CDHR4: variants seen among roughly 807,000 people sequenced by gnomAD.
The protein encoded by CDHR4 is cadherin-related family member 4.
CDHR4 carries 89 observed loss-of-function variants against 88.4 expected under a neutral mutation model. That is an observed-to-expected ratio of 1.01 (90% CI 0.85 to 1.20). The LOEUF (loss-of-function observed/expected upper bound fraction) is 1.20, where lower values mean the gene tolerates loss of function less well. CDHR4 is among the 50% of genes most tolerant of loss of function. The pLI, the probability that CDHR4 is intolerant of heterozygous loss-of-function variation, is 0.00. For missense variants in CDHR4, 914 were observed against 1,007.2 expected (o/e 0.91, Z 1.25); for synonymous variants, 368 against 399.2 (o/e 0.92, Z 0.93).
chr3:49,794,088 G>A (rs1339322394), intron 10 of CDHR4, 82 bp from the exon 11 acceptor site: 1 of 1,368,062 alleles, frequency 7.3e-7, no homozygotes, highest in African/African-American at 1.4e-5. Context: ...ACAGGGCCCT[G>A]CCCTGGGGGT....
In CDHR4 at chr3:49,791,439, A is replaced by C. The variant is rs1174745486; in HGVS notation, c.2311+2T>G. The C allele has an allele frequency of 1.1e-5, 17 of 1,544,584 alleles. No individual in the cohort carries two copies. Among genetic ancestry groups the C allele is most frequent in the Non-Finnish European group, 1.5e-5 (17 of 1,144,972 alleles). ...GAATAGCTTAGGAAGAGGGGGACTCACGGGAGTCCTGTGCTCTGCCATCAA... is the reference window on the plus strand; with the variant it reads ...GAATAGCTTAGGAAGAGGGGGACTCCCGGGAGTCCTGTGCTCTGCCATCAA... On this transcript the variant is annotated splice_donor_variant, in intron 18 of 18. Coordinates refer to ENST00000412678, the MANE Select transcript of CDHR4 (RefSeq NM_001007540.4). LOFTEE classifies it high-confidence loss of function.
At chr3:49,796,394 TGGTATGATCTTGGCTCACTGCAA>T (rs1346880483) in intron 5 of CDHR4, among the ~76,000 whole-genome samples, 1 of 151,756 alleles carries the variant, frequency 6.6e-6, no homozygotes, top group Non-Finnish European at 1.5e-5. Flanking sequence ...TGGAGCACAG[TGGTATGATCTTGGCTCACTGCAA>T]CCTCCACCCC....
chr3:49,790,763 C>G lies in CDHR4; in HGVS notation c.*69G>C. The G allele has an allele frequency of 7.5e-7, 1 of 1,336,266 alleles. No homozygotes were observed. The highest frequency in any genetic ancestry group is 1.4e-5 in the South Asian group (1 of 73,322). The allele number at this position is 1,336,266 out of a possible 1,614,324, so 82.8% of individuals were successfully genotyped here. ...TTTTGTAATTTTGTTTATTATGAAT[C>G]AACTTGAAAATACAGCCCATGATGG... On this transcript the variant is annotated 3_prime_UTR_variant, in exon 19 of 19. Coordinates refer to ENST00000412678, the MANE Select transcript of CDHR4 (RefSeq NM_001007540.4).
intron 16 of CDHR4, 28 bp from the exon 17 acceptor site, chr3:49,791,829 G>T: frequency 6.4e-7 from 1 of 1,551,648 alleles, no homozygotes. Context: ...CAAGAGTACA[G>T]GGCAAGGCTC....
rs2081263926 is a variant in CDHR4, at chr3:49,795,862, C to G, written c.710+81G>C. On this transcript the variant is annotated intron_variant, in intron 6 of 18. Coordinates refer to ENST00000412678, the MANE Select transcript of CDHR4 (RefSeq NM_001007540.4). The surrounding 1 kb of genome is among the most constrained non-coding windows in gnomAD (Gnocchi z 5.4). Reference sequence around the variant, plus strand: ...GCCCCCTCCTGTCAGGGCTGGGACTCAGCTCCAGCAGCCTCACCCTACCTG... The same window carrying G: ...GCCCCCTCCTGTCAGGGCTGGGACTGAGCTCCAGCAGCCTCACCCTACCTG... 3 of 1,518,802 alleles carry G rather than the reference C, an allele frequency of 2.0e-6. No homozygotes were observed. Among genetic ancestry groups the G allele is most frequent in the Non-Finnish European group, 2.7e-6 (3 of 1,127,436 alleles). The allele number at this position is 1,518,802 out of a possible 1,614,324, so 94.1% of individuals were successfully genotyped here. A position where few individuals can be genotyped will look rare whatever the true frequency, so the allele number is the denominator to read the frequency against.
chr3:49,801,591 T>C (rs2081362309), upstream of CDHR4, among the ~76,000 whole-genome samples: 1 of 152,226 alleles, frequency 6.6e-6, no homozygotes, highest in Non-Finnish European at 1.5e-5. Flanking sequence ...CCATAAATGA[T>C]CATTGGATTT....
Position 49,792,585 on chromosome 3 carries a change from A to G in CDHR4, c.2021T>C (p.Leu674Pro), listed in dbSNP as rs1461253758. 1.7e-5 allele frequency: 26 copies of G among 1,551,666 alleles called. No individual in the cohort carries two copies. Among genetic ancestry groups the G allele is most frequent in the Non-Finnish European group, 2.2e-5 (25 of 1,146,978 alleles). Residue 674 changes from leucine (L) to proline (P), a missense_variant, in exon 15 of 19, where the codon CTC becomes CCC. Transcript: ENST00000412678. Reference sequence around the variant, plus strand: ...CCAGAAAGCCTCTGTGTCTGTCACGAGCATGGGTGTCATCGTTGAGGGCAC... The same window carrying G: ...CCAGAAAGCCTCTGTGTCTGTCACGGGCATGGGTGTCATCGTTGAGGGCAC... The part of the protein sequence containing the change: ...TTVPSTMTPM[L>P]VTDTEAFWQP...
chr3:49,794,788 C>T lies in CDHR4; in HGVS notation c.1186-87G>A, dbSNP rs553745987. The T allele has an allele frequency of 1.2e-5, 17 of 1,427,978 alleles. No homozygotes were observed. The African/African-American group carries it at 2.4e-4, about 20-fold the overall frequency. The allele number at this position is 1,427,978 out of a possible 1,614,324, so 88.5% of individuals were successfully genotyped here. A position where few individuals can be genotyped will look rare whatever the true frequency, so the allele number is the denominator to read the frequency against. On this transcript the variant is annotated intron_variant, in intron 9 of 18. Coordinates refer to ENST00000412678, the MANE Select transcript of CDHR4 (RefSeq NM_001007540.4). ...GGGCTGCTGTAGGCCAGGGCATCCA[C>T]AAATATCTTGCCTGGATCCTGTTTT...
chr3:49,796,184 C>CTG, intron 5 of CDHR4, 138 bp from the exon 6 acceptor site: 2 of 593,646 alleles, frequency 3.4e-6, no homozygotes, highest in Admixed American at 3.4e-5. Flanking sequence ...CCCCATGATC[C>CTG]CCATGACCTG....
At position 49,799,282 on chromosome 3, in the gene CDHR4, T is replaced by C; in HGVS notation, c.205A>G (p.Ser69Gly). Residue 69 changes from serine (S) to glycine (G), a missense_variant, in exon 2 of 19, where the codon AGC becomes GGC. Transcript: ENST00000412678. ...TAGGTCCCTTGCCACCTGGCCAAGCTGGGTGGGTTGAAGAAGGTGGTGGGT... is the reference window on the plus strand; with the variant it reads ...TAGGTCCCTTGCCACCTGGCCAAGCCGGGTGGGTTGAAGAAGGTGGTGGGT... ...QPPTTFFNPP[S>G]LARWQGTYVG... 2 of 1,613,798 alleles carry C rather than the reference T, an allele frequency of 1.2e-6. No homozygotes were observed. Among genetic ancestry groups the C allele is most frequent in the Non-Finnish European group, 1.7e-6 (2 of 1,179,780 alleles).
chr3:49,802,077 G>A (rs1486754850), upstream of CDHR4, among the ~76,000 whole-genome samples: 3 of 152,144 alleles, frequency 2.0e-5, no homozygotes, highest in Admixed American at 2.0e-4. Context: ...GCTCCTGTCC[G>A]TCGGGGTCTC....
At chr3:49,798,653 G>T in intron 4 of CDHR4, 173 bp downstream of exon 4, 1 of 619,796 alleles carries the variant, frequency 1.6e-6, no homozygotes, top group Non-Finnish European at 2.8e-6. Context: ...TGGTCACTGG[G>T]GAGTGAGCAG....
intron 16 of CDHR4, 45 bp from the exon 17 acceptor site, chr3:49,791,846 C>T: frequency 6.4e-7 from 1 of 1,551,500 alleles, no homozygotes; most frequent in Non-Finnish European, 8.7e-7. Context: ...GCTCTGGGCC[C>T]TAACCTGAGT....
rs770441724 is a variant in CDHR4 at position 49,795,767 on chromosome 3, G to A, written c.711-3C>T. 26 of 1,551,542 alleles carry A rather than the reference G, an allele frequency of 1.7e-5. No individual in the cohort carries two copies. In the South Asian group the frequency reaches 3.0e-4, roughly 18 times the overall value. ...TGGTGATATTCTGAGCCTGCTCGCTGGACCAAAAGGGGGGCACTGGTTCCT... is the reference window on the plus strand; with the variant it reads ...TGGTGATATTCTGAGCCTGCTCGCTAGACCAAAAGGGGGGCACTGGTTCCT... On this transcript the variant is annotated splice_polypyrimidine_tract_variant and splice_region_variant and intron_variant, in intron 6 of 18. Transcript: ENST00000412678. This position sits in a 1 kb window ranked among gnomAD's most constrained non-coding sequence, Gnocchi z 5.4.
At chr3:49,794,071 G>C (rs1414860552) in intron 10 of CDHR4, 65 bp from the exon 11 acceptor site, 3 of 1,478,876 alleles carry the variant, frequency 2.0e-6, no homozygotes, top group Non-Finnish European at 2.8e-6. Flanking sequence ...GGGGTCTGAG[G>C]AGGGAGACAG....
chr3:49,793,846 G>A lies in CDHR4; in HGVS notation c.1440C>T (p.Tyr480=), dbSNP rs960446758. ...MDYPHDNIEY[Y]TSGGPTTFAV... ...CAAAGGTGGTAGGACCACCAGAGGT[G>A]TAGTACTCAATGTTGTCATGAGGGT... The change falls in exon 11 of 19, where the codon TAC becomes TAT. Residue 480 remains tyrosine (Y), a synonymous_variant. Transcript: ENST00000412678. 107 of 1,551,666 alleles carry A rather than the reference G, an allele frequency of 6.9e-5. 1 individual carries two copies. The Admixed American group carries it at 2.0e-3, about 29-fold the overall frequency.
intron 3 of CDHR4, 30 bp from the exon 4 acceptor site, chr3:49,798,947 G>T (rs1351444717): frequency 6.2e-7 from 1 of 1,611,460 alleles, no homozygotes; most frequent in South Asian, 1.1e-5. Context: ...GGGAGGATCT[G>T]CTCAGGCCAT....
At chr3:49,791,057 C>T (rs1257059052) in intron 18 of CDHR4, among the ~76,000 whole-genome samples, 170 bp from the exon 19 acceptor site, 2 of 152,162 alleles carry the variant, frequency 1.3e-5, no homozygotes, top group Admixed American at 1.3e-4. Flanking sequence ...AGCAAATTCT[C>T]TCAACTCTGA....
intron 10 of CDHR4, among the ~76,000 whole-genome samples, chr3:49,794,314 C>A (rs1050172076): frequency 6.6e-6 from 1 of 151,924 alleles, no homozygotes; most frequent in Non-Finnish European, 1.5e-5. Context: ...AGGAGAATGG[C>A]GTGAACCCGG....
Sources: allele counts gnomAD v4.1 joint callset (sites outside exome capture counted in the v4.1 genomes callset), GRCh38; gene constraint gnomAD v4.1.1; non-coding constraint Gnocchi (gnomAD v3.1); transcripts MANE v1.5; gene names NCBI Gene and HGNC (gene_info 2026-07-23, HGNC 2026-07-21).